The following ARHGAP25 variants were observed in gnomAD, a reference collection of about 807,000 sequenced individuals.
The protein encoded by ARHGAP25 is rho GTPase-activating protein 25.
A neutral mutation model predicts 71.0 loss-of-function variants in ARHGAP25; 34 were observed. The ratio of observed to expected loss-of-function variants is 0.48; its 90% CI spans 0.36 to 0.64. The LOEUF (loss-of-function observed/expected upper bound fraction) is 0.64, where lower values mean the gene tolerates loss of function less well. Ranked by LOEUF, ARHGAP25 falls within the 30% of genes least tolerant of loss-of-function variation. ARHGAP25 has a pLI of 0.00. For synonymous variants in ARHGAP25, 282 were observed against 296.5 expected, an observed-to-expected ratio of 0.95 and a Z score of 0.50; for missense variants, 706 against 805.1, an observed-to-expected ratio of 0.88 and a Z score of 1.49.
intron 1 of ARHGAP25, among the ~76,000 whole-genome samples, chr2:68,744,293 C>T (rs1320416742): frequency 6.6e-6 from 1 of 152,150 alleles, no homozygotes; most frequent in African/African-American, 2.4e-5. Flanking sequence ...CTCCCCATTA[C>T]CAGGGCCACC....
intron 6 of ARHGAP25, among the ~76,000 whole-genome samples, chr2:68,814,329 A>G (rs1198034461): frequency 6.6e-6 from 1 of 152,252 alleles, no homozygotes; most frequent in Non-Finnish European, 1.5e-5. Context: ...ACCGTTCAAT[A>G]TGGTGACCAC....
intron 2 of ARHGAP25, among the ~76,000 whole-genome samples, chr2:68,781,273 C>T (rs749575392): frequency 2.6e-5 from 4 of 152,108 alleles, no homozygotes; most frequent in Admixed American, 1.3e-4. Flanking sequence ...GCCTGTAGTG[C>T]CAGATACTCA....
chr2:68,725,439 C>T (rs540648679), intron 2 of ARHGAP25, among the ~76,000 whole-genome samples: 1 of 152,268 alleles, frequency 6.6e-6, no homozygotes, highest in South Asian at 2.1e-4. Context: ...TTCCCCCCAT[C>T]TCAGCCTCCT....
chr2:68,759,941 T>C (rs1435508863), intron 1 of ARHGAP25, among the ~76,000 whole-genome samples: 3 of 151,910 alleles, frequency 2.0e-5, no homozygotes, highest in African/African-American at 7.2e-5. Context: ...CTCAACAAAA[T>C]GCTACAACAG....
At position 68,775,587 on chromosome 2, in the gene ARHGAP25, G is replaced by C. The variant is rs1445342071; in HGVS notation, c.261+167G>C. 4 of 1,087,850 alleles carry C rather than the reference G, an allele frequency of 3.7e-6. No individual in the cohort carries two copies. The East Asian group carries it at 1.0e-4, about 28-fold the overall frequency. 67.4% of individuals were successfully genotyped at this position (1,087,850 alleles called of 1,614,324 possible). On this transcript the variant is annotated intron_variant, in intron 2 of 10. Coordinates refer to ENST00000409202, the MANE Select transcript of ARHGAP25 (RefSeq NM_001007231.3). Reference sequence around the variant, plus strand: ...ACCATTTTCTAGATACATAAACTGAGTTGCAAAGATGACAGAGTGGTCCTC... The same window carrying C: ...ACCATTTTCTAGATACATAAACTGACTTGCAAAGATGACAGAGTGGTCCTC...
At position 68,775,244 on chromosome 2, in the gene ARHGAP25, G is replaced by C; in HGVS notation, c.85G>C (p.Gly29Arg). ...KIARSRSVMT[G>R]EQMAAFHPSS... ...AGCTCGGTCAAGGAGTGTGATGACTGGCGAGCAGATGGCTGCCTTCCATCC... is the reference window on the plus strand; with the variant it reads ...AGCTCGGTCAAGGAGTGTGATGACTCGCGAGCAGATGGCTGCCTTCCATCC... The change falls in exon 2 of 11, where the codon GGC becomes CGC. Residue 29 changes from glycine to arginine, a missense_variant. By Grantham distance (125) the Gly-to-Arg change is moderately radical. Coordinates refer to ENST00000409202, the MANE Select transcript of ARHGAP25 (RefSeq NM_001007231.3). The C allele has an allele frequency of 3.1e-6, 5 of 1,614,270 alleles. No homozygotes were observed. Among genetic ancestry groups the C allele is most frequent in the Non-Finnish European group, 4.2e-6 (5 of 1,180,058 alleles).
chr2:68,722,736 T>C (rs1020963967), intron 2 of ARHGAP25, among the ~76,000 whole-genome samples: 4 of 152,118 alleles, frequency 2.6e-5, no homozygotes, highest in African/African-American at 4.8e-5. Flanking sequence ...CGAGGGCCCA[T>C]GTCTCACCCT....
chr2:68,796,384 G>C (rs1392876872), intron 4 of ARHGAP25, among the ~76,000 whole-genome samples: 5 of 152,114 alleles, frequency 3.3e-5, no homozygotes, highest in Non-Finnish European at 5.9e-5. Flanking sequence ...GTTTTCCTTT[G>C]AGGGTGTCAT....
chr2:68,749,538 G>A (rs547074319), intron 1 of ARHGAP25, among the ~76,000 whole-genome samples: 2 of 152,178 alleles, frequency 1.3e-5, no homozygotes, highest in East Asian at 3.9e-4. Context: ...TTTATTCTCT[G>A]TGAGCACCCC....
rs530704143 is a variant in ARHGAP25, at chr2:68,798,896, C to G, written c.467-8377C>G. 1.4e-3 allele frequency among the ~76,000 whole-genome samples: 214 copies of G among 152,174 alleles called. 1 individual carries two copies. Among genetic ancestry groups the G allele is most frequent in the Non-Finnish European group, 2.4e-3 (161 of 67,996 alleles). ...TTTGTTAAGGATGTTGGTCTTCATC[C>G]TAACAGCAATAGGTAGTCATTGGGG... On this transcript the variant is annotated intron_variant, in intron 4 of 10. Transcript: ENST00000409202.
chr2:68,816,182 GTGT>G (rs1681219172), intron 6 of ARHGAP25, 104 bp from the exon 7 acceptor site: 1 of 897,538 alleles, frequency 1.1e-6, no homozygotes, highest in South Asian at 1.3e-5. Flanking sequence ...GACTGCCAAA[GTGT>G]TGTTTCTGCA....
Position 68,807,269 on chromosome 2 carries a change from T to A in ARHGAP25, c.467-4T>A. The A allele has an allele frequency of 6.2e-7, 1 of 1,614,172 alleles. No individual in the cohort carries two copies. The highest frequency in any genetic ancestry group is 8.5e-7 in the Non-Finnish European group (1 of 1,180,014). ...CGGGCAGGTTCTGTTTGCTCTCTCC[T>A]CAGCAGTGTTTGGCCAGCGCTTGGA... is the stretch of plus-strand genomic sequence containing the variant. On this transcript the variant is annotated splice_polypyrimidine_tract_variant and splice_region_variant and intron_variant, in intron 4 of 10. Coordinates refer to ENST00000409202, the MANE Select transcript of ARHGAP25 (RefSeq NM_001007231.3).
intron 9 of ARHGAP25, among the ~76,000 whole-genome samples, chr2:68,821,979 AT>A (rs1446667193): frequency 6.8e-4 from 59 of 87,020 alleles, no homozygotes; most frequent in African/African-American, 2.7e-3. Context: ...GTTCTTTTTA[AT>A]TTTTTAGGTC....
At chr2:68,754,057 C>T (rs1024020121) in intron 1 of ARHGAP25, among the ~76,000 whole-genome samples, 5 of 152,110 alleles carry the variant, frequency 3.3e-5, no homozygotes, top group Non-Finnish European at 7.4e-5. Flanking sequence ...CGCCCGCCAC[C>T]ATGCCCAGCT....
intron 1 of ARHGAP25, among the ~76,000 whole-genome samples, chr2:68,772,600 T>C (rs1677559615): frequency 6.6e-6 from 1 of 152,252 alleles, no homozygotes; most frequent in Non-Finnish European, 1.5e-5. Flanking sequence ...GCCCTCTTTC[T>C]AGGACAGATA....
At chr2:68,804,533 A>G (rs916612222) in intron 4 of ARHGAP25, among the ~76,000 whole-genome samples, 16 of 152,206 alleles carry the variant, frequency 1.1e-4, no homozygotes, top group African/African-American at 3.9e-4. Flanking sequence ...AAATTTTCTA[A>G]TTGTTTCTCA....
intron 6 of ARHGAP25, among the ~76,000 whole-genome samples, chr2:68,814,527 G>T (rs1187023779): frequency 6.6e-6 from 1 of 152,156 alleles, no homozygotes; most frequent in African/African-American, 2.4e-5. Flanking sequence ...TTGTTTTGAG[G>T]ACCCAGGGAT....
rs911947001 is a variant in ARHGAP25 at position 68,802,992 on chromosome 2, TATAC to T, written c.467-4269_467-4266del. The stretch of plus-strand genomic sequence containing the variant: ...ATATATACACATATATATACACACA[TATAC>T]ATACATACATATATATATATATAGA... On this transcript the variant is annotated intron_variant, in intron 4 of 10. Coordinates refer to ENST00000409202, the MANE Select transcript of ARHGAP25 (RefSeq NM_001007231.3). Among the ~76,000 whole-genome samples the T allele has an allele frequency of 4.6e-5, 7 of 150,556 alleles. No homozygotes were observed. The East Asian group carries it at 1.4e-3, about 30-fold the overall frequency.
At chr2:68,822,945 G>A (rs1022345379) in intron 10 of ARHGAP25, 73 bp downstream of exon 10, 8 of 1,436,314 alleles carry the variant, frequency 5.6e-6, no homozygotes, top group East Asian at 2.3e-5. Flanking sequence ...GTTCCCATCC[G>A]CCAGAGAAGT....
Sources: allele counts gnomAD v4.1 joint callset (sites outside exome capture counted in the v4.1 genomes callset), GRCh38; gene constraint gnomAD v4.1.1; transcripts MANE v1.5; gene names NCBI Gene and HGNC (gene_info 2026-07-23, HGNC 2026-07-21).